RASAL1: variants seen among roughly 807,000 people sequenced by gnomAD.
RASAL1 encodes RAS protein activator like 1.
In RASAL1, 72 loss-of-function variants were observed where a neutral mutation model predicts 96.6. The observed-to-expected ratio is 0.75, with a 90% CI of 0.62 to 0.91. RASAL1 has a LOEUF of 0.91. Ranked by LOEUF, RASAL1 falls within the 40% of genes least tolerant of loss-of-function variation. The pLI is 0.00. For synonymous variants in RASAL1, 405 were observed against 430.4 expected, an observed-to-expected ratio of 0.94 and a Z score of 0.73; for missense variants, 1,016 against 1,072.5, an observed-to-expected ratio of 0.95 and a Z score of 0.74.
At chr12:113,118,757 C>G (rs1480182421) in intron 7 of RASAL1, among the ~76,000 whole-genome samples, 2 of 152,136 alleles carry the variant, frequency 1.3e-5, no homozygotes, top group Non-Finnish European at 2.9e-5. Flanking sequence ...CCTCAATGTC[C>G]CCATCTGTAA....
intron 4 of RASAL1, among the ~76,000 whole-genome samples, chr12:113,121,846 C>T (rs368854997): frequency 3.9e-5 from 6 of 151,972 alleles, no homozygotes; most frequent in African/African-American, 9.7e-5. Flanking sequence ...CTCACCCTCC[C>T]GACCAGCTGG....
In RASAL1 at chr12:113,127,858, G is replaced by A. The variant is rs61759864; in HGVS notation, c.252C>T (p.Ile84=). The change falls in exon 4 of 21, where the codon ATC becomes ATT. Residue 84 remains isoleucine (I), a synonymous_variant. Coordinates refer to ENST00000548055, the MANE Select transcript of RASAL1 (RefSeq NM_001301202.2). ...DEDTVGHDDI[I]GKISLSREAI... ...CCTCCCTGCTCAGCGAGATCTTGCC[G>A]ATGATGTCGTCGTGCCTGCAGGAAG... 2.1e-3 allele frequency: 3,373 copies of A among 1,613,328 alleles called. 29 individuals are homozygous for A. Among genetic ancestry groups the A allele is most frequent in the South Asian group, 0.016 (1,491 of 91,068 alleles).
chr12:113,121,957 A>T (rs1592941077), intron 4 of RASAL1, among the ~76,000 whole-genome samples: 2 of 152,274 alleles, frequency 1.3e-5, no homozygotes, highest in African/African-American at 4.8e-5. Flanking sequence ...TCCTGAGATC[A>T]AGCGATCCAC....
At chr12:113,102,729 TA>T (rs924744643) in intron 18 of RASAL1, among the ~76,000 whole-genome samples, 2 of 151,770 alleles carry the variant, frequency 1.3e-5, no homozygotes, top group African/African-American at 4.8e-5. Context: ...AAAACAAAAA[TA>T]AAAAAACCCA....
chr12:113,136,555 CA>C (rs1951921917), upstream of RASAL1, among the ~76,000 whole-genome samples: 1 of 152,214 alleles, frequency 6.6e-6, no homozygotes, highest in African/African-American at 2.4e-5. Context: ...ATTTGCCTTC[CA>C]GGGGTTCGAA....
Position 113,099,860 on chromosome 12 carries a change from CG to C in RASAL1, c.*68del, listed in dbSNP as rs2136075605. On this transcript the variant is annotated 3_prime_UTR_variant, in exon 21 of 21. Transcript: ENST00000548055. ...GAGGTCCAAGGAGACAGGAGACTCC[CG>C]GGGCAGGATGCGCTGAAGAGGGCCC... is the stretch of plus-strand genomic sequence containing the variant. 1.9e-6 allele frequency: 3 copies of C among 1,545,438 alleles called. No individual in the cohort carries two copies. The highest frequency in any genetic ancestry group is 1.9e-5 in the Admixed American group (1 of 52,704).
At chr12:113,136,353 T>A (rs910028774), upstream of RASAL1, 9 of 152,170 alleles carry the variant, frequency 5.9e-5, no homozygotes, top group African/African-American at 2.2e-4. Context: ...TAAAAAGTCA[T>A]CTACAGTTGT....
In RASAL1 at chr12:113,129,269, CAGGCAAAGTGGGGAG is replaced by C. The variant is rs981224512; in HGVS notation, c.123-1106_123-1092del. 1.7e-4 allele frequency among the ~76,000 whole-genome samples: 26 copies of C among 152,286 alleles called. No homozygotes were observed. Among genetic ancestry groups the C allele is most frequent in the African/African-American group, 4.8e-4 (20 of 41,550 alleles). ...GGGAAGGCTTCCTGTAGGAGCTAGTCAGGCAAAGTGGGGAGAGACAATGAGGACAAGGACAAGTAT... is the reference window on the plus strand; with the variant it reads ...GGGAAGGCTTCCTGTAGGAGCTAGTCAGACAATGAGGACAAGGACAAGTAT... On this transcript the variant is annotated intron_variant, in intron 2 of 20. Coordinates refer to ENST00000548055, the MANE Select transcript of RASAL1 (RefSeq NM_001301202.2). The surrounding 1 kb of genome is among the most constrained non-coding windows in gnomAD (Gnocchi z 5.0).
At chr12:113,104,822 C>T (rs1183060188) in intron 16 of RASAL1, among the ~76,000 whole-genome samples, 1 of 152,224 alleles carries the variant, frequency 6.6e-6, no homozygotes, top group Non-Finnish European at 1.5e-5. Context: ...GTGACAACTT[C>T]TCTGGGCATC....
intron 7 of RASAL1, among the ~76,000 whole-genome samples, chr12:113,117,876 A>G (rs61941395): frequency 2.6e-3 from 397 of 152,292 alleles, no homozygotes; most frequent in Non-Finnish European, 4.3e-3. Context: ...CAGTACGGTA[A>G]GTCCTGACTC....
intron 13 of RASAL1, among the ~76,000 whole-genome samples, chr12:113,111,347 C>T (rs200208474): frequency 6.6e-6 from 1 of 152,146 alleles, no homozygotes; most frequent in Non-Finnish European, 1.5e-5. Context: ...TGGTTATGAG[C>T]ACAGACTCAG....
intron 13 of RASAL1, 48 bp from the exon 14 acceptor site, chr12:113,108,270 C>T (rs748836125): frequency 1.9e-6 from 3 of 1,565,684 alleles, no homozygotes; most frequent in Non-Finnish European, 8.6e-7. Flanking sequence ...ACCCACTTCT[C>T]AGCTGCGTAA....
chr12:113,124,271 C>A (rs1951404722), intron 4 of RASAL1, among the ~76,000 whole-genome samples: 1 of 151,534 alleles, frequency 6.6e-6, no homozygotes. Context: ...TATTAGGAAC[C>A]CTATTTAATC....
intron 4 of RASAL1, among the ~76,000 whole-genome samples, chr12:113,122,637 T>G (rs1951340278): frequency 6.6e-6 from 1 of 152,242 alleles, no homozygotes; most frequent in South Asian, 2.1e-4. Context: ...TTCTATCTAT[T>G]ATAATTCTAA....
At chr12:113,133,937 A>T (rs1261758575) in intron 1 of RASAL1, among the ~76,000 whole-genome samples, 4 of 152,234 alleles carry the variant, frequency 2.6e-5, no homozygotes, top group Non-Finnish European at 5.9e-5. Flanking sequence ...GCCAGTGTCC[A>T]GGTGCAGGGG....
chr12:113,108,368 G>GT (rs975607258), intron 13 of RASAL1, 146 bp from the exon 14 acceptor site: 13 of 986,368 alleles, frequency 1.3e-5, no homozygotes, highest in Non-Finnish European at 1.7e-5. Flanking sequence ...GGCCGAGGAA[G>GT]TTTTTCCTCT....
At chr12:113,125,482 T>G (rs561098778) in intron 4 of RASAL1, among the ~76,000 whole-genome samples, 2 of 152,304 alleles carry the variant, frequency 1.3e-5, no homozygotes, top group East Asian at 3.9e-4. Flanking sequence ...ATAAAGTGAT[T>G]CTTCAAAACT....
intron 4 of RASAL1, among the ~76,000 whole-genome samples, chr12:113,126,379 A>C (rs931976810): frequency 6.6e-6 from 1 of 151,946 alleles, no homozygotes; most frequent in Non-Finnish European, 1.5e-5. Flanking sequence ...AGAAAAACAC[A>C]GTATTAAGAG....
At chr12:113,111,977 C>T in intron 13 of RASAL1, 109 bp downstream of exon 13, 3 of 978,950 alleles carry the variant, frequency 3.1e-6, no homozygotes, top group Non-Finnish European at 2.6e-6. Flanking sequence ...GGACAGAATG[C>T]TCTAGTGCCG....
Sources: gnomAD v4.1 joint callset for allele counts (sites outside exome capture counted in the v4.1 genomes callset) on GRCh38, gnomAD v4.1.1 for gene constraint, Gnocchi (gnomAD v3.1) non-coding constraint, MANE v1.5 for transcripts, NCBI Gene and HGNC (gene_info 2026-07-23, HGNC 2026-07-21) for gene names.